Variants in MAGI2 observed in about 807,000 individuals in gnomAD.
MAGI2 encodes the protein membrane-associated guanylate kinase, WW and PDZ domain-containing protein 2.
Under a neutral mutation model 133.3 loss-of-function variants are expected in MAGI2, and 35 were observed. The observed-to-expected ratio is 0.26, with a 90% CI of 0.20 to 0.35. MAGI2 has a LOEUF of 0.35. Among genes scored for constraint, MAGI2 ranks in the 10% least tolerant of loss-of-function variants. The pLI is 1.00. For synonymous variants in MAGI2, 729 were observed against 710.6 expected (o/e 1.03, Z -0.41); for missense variants, 1,636 against 1,863.4 (o/e 0.88, Z 2.25).
At chr7:78,784,896 T>A (rs1293322838) in intron 2 of MAGI2, among the ~76,000 whole-genome samples, 1 of 152,228 alleles carries the variant, frequency 6.6e-6, no homozygotes, top group African/African-American at 2.4e-5. Flanking sequence ...AGGAAAGGTA[T>A]AATCTTTCCA....
chr7:79,298,731 T>C (rs1837143286), intron 1 of MAGI2, among the ~76,000 whole-genome samples: 1 of 152,080 alleles, frequency 6.6e-6, no homozygotes, highest in African/African-American at 2.4e-5. Flanking sequence ...TGGAACAGGG[T>C]CTTTAAAAAG....
chr7:78,596,316 A>G (rs319866), intron 3 of MAGI2, among the ~76,000 whole-genome samples: 139,734 of 152,122 alleles, frequency 0.92, 64,650 homozygotes, highest in Non-Finnish European at 0.95. Context: ...TGGAGCCCTG[A>G]AGATGAAGTG....
At chr7:78,889,998 G>A (rs1490386357) in intron 2 of MAGI2, among the ~76,000 whole-genome samples, 1 of 152,164 alleles carries the variant, frequency 6.6e-6, no homozygotes, top group East Asian at 1.9e-4. Flanking sequence ...CACGTGCAGA[G>A]ACACATATAG....
At chr7:78,195,195 T>C in intron 11 of MAGI2, 132 bp from the exon 12 acceptor site, 2 of 630,970 alleles carry the variant, frequency 3.2e-6, no homozygotes, top group Non-Finnish European at 5.2e-6. Flanking sequence ...TGGCATAAAT[T>C]CCTTGAAAGA....
At chr7:78,958,887 T>C (rs768666781) in intron 2 of MAGI2, among the ~76,000 whole-genome samples, 13 of 152,154 alleles carry the variant, frequency 8.5e-5, no homozygotes, top group Non-Finnish European at 1.3e-4. Context: ...GAAGATAATA[T>C]TTACAAAGAT....
chr7:79,236,053 T>G (rs748780443), intron 1 of MAGI2, among the ~76,000 whole-genome samples: 1 of 152,232 alleles, frequency 6.6e-6, no homozygotes, highest in Non-Finnish European at 1.5e-5. Flanking sequence ...TGCTATATTA[T>G]ATGGTGCTTG....
At chr7:78,126,135 A>G (rs1820951766) in intron 19 of MAGI2, among the ~76,000 whole-genome samples, 4 of 151,938 alleles carry the variant, frequency 2.6e-5, no homozygotes, top group African/African-American at 9.7e-5. Context: ...CCTGAGTGAC[A>G]TCATCTCTCC....
At chr7:78,309,856 A>G (rs1276901023) in intron 9 of MAGI2, among the ~76,000 whole-genome samples, 1 of 152,140 alleles carries the variant, frequency 6.6e-6, no homozygotes, top group African/African-American at 2.4e-5. Context: ...TTAGGTTGAC[A>G]TTAATATTCT....
At chr7:78,518,326 A>G (rs1195976995) in intron 4 of MAGI2, 1 of 152,214 alleles carries the variant, frequency 6.6e-6, no homozygotes, top group African/African-American at 2.4e-5. Flanking sequence ...ATTTGGTTAT[A>G]TAAGACTCAG....
intron 3 of MAGI2, among the ~76,000 whole-genome samples, chr7:78,548,549 G>A (rs938023518): frequency 1.2e-4 from 18 of 152,098 alleles, no homozygotes; most frequent in Non-Finnish European, 2.2e-4. Flanking sequence ...ACAAAAATTG[G>A]CCGGGCGTGG....
chr7:78,531,661 T>C (rs538246003), intron 3 of MAGI2, among the ~76,000 whole-genome samples: 1 of 152,354 alleles, frequency 6.6e-6, no homozygotes, highest in African/African-American at 2.4e-5. Context: ...ATAGTCATCT[T>C]AATTAAATTT....
At chr7:78,459,971 CAT>C (rs1789786162) in intron 6 of MAGI2, among the ~76,000 whole-genome samples, 1 of 152,198 alleles carries the variant, frequency 6.6e-6, no homozygotes, top group Non-Finnish European at 1.5e-5. Flanking sequence ...CATGAATGGA[CAT>C]CTGTTGGGCT....
chr7:78,363,514 A>C (rs201191871), intron 7 of MAGI2, among the ~76,000 whole-genome samples: 1 of 33,622 alleles, frequency 3.0e-5, no homozygotes, highest in South Asian at 5.9e-4. Flanking sequence ...TAATAATGAT[A>C]ATAATAATAA....
chr7:79,336,343 A>G (rs2129095551), intron 1 of MAGI2, among the ~76,000 whole-genome samples: 1 of 152,236 alleles, frequency 6.6e-6, no homozygotes, highest in East Asian at 1.9e-4. Context: ...GCTCTTAAAC[A>G]TCAGTACGTT....
At chr7:78,080,999 T>C (rs1815905247) in intron 20 of MAGI2, among the ~76,000 whole-genome samples, 1 of 152,306 alleles carries the variant, frequency 6.6e-6, no homozygotes, top group South Asian at 2.1e-4. Flanking sequence ...GTAATCCTTC[T>C]AAGGAAAAGC....
intron 2 of MAGI2, among the ~76,000 whole-genome samples, chr7:78,668,088 A>C (rs1585028222): frequency 6.6e-6 from 1 of 152,248 alleles, no homozygotes; most frequent in East Asian, 1.9e-4. Context: ...TGCCATTCTA[A>C]CTGGTGTGAG....
intron 2 of MAGI2, among the ~76,000 whole-genome samples, chr7:78,966,722 T>C (rs1228595102): frequency 6.6e-6 from 1 of 152,106 alleles, no homozygotes; most frequent in East Asian, 1.9e-4. Context: ...ATGGTTGTTC[T>C]CTTTCAATCT....
At chr7:78,284,391 C>T (rs1795936423) in intron 9 of MAGI2, among the ~76,000 whole-genome samples, 1 of 151,970 alleles carries the variant, frequency 6.6e-6, no homozygotes, top group Non-Finnish European at 1.5e-5. Context: ...GTGTCCACTC[C>T]TCTCTGCTTC....
chr7:79,353,708 G>T, intron 1 of MAGI2: 1 of 297,576 alleles, frequency 3.4e-6, no homozygotes, highest in South Asian at 3.0e-5. Context: ...ATGTTGATTT[G>T]CAGTGTTGGG....
Sources: gnomAD v4.1 joint callset for allele counts (sites outside exome capture counted in the v4.1 genomes callset) on GRCh38, gnomAD v4.1.1 for gene constraint, MANE v1.5 for transcripts, NCBI Gene and HGNC (gene_info 2026-07-23, HGNC 2026-07-21) for gene names.